Variants in BAZ2B observed in about 807,000 individuals in gnomAD.
BAZ2B encodes the protein bromodomain adjacent to zinc finger domain 2B, also known as bromodomain adjacent to zinc finger domain protein 2B.
Under a neutral mutation model 246.0 loss-of-function variants are expected in BAZ2B, and 91 were observed. The observed-to-expected ratio is 0.37, with a 90% CI of 0.31 to 0.44. BAZ2B has a LOEUF of 0.44. Among genes scored for constraint, BAZ2B ranks in the 20% least tolerant of loss-of-function variants. The probability of loss-of-function intolerance (pLI) is 1.00; values close to 1 mark genes in which losing one functional copy is unlikely to be tolerated. For missense variants in BAZ2B, 2,332 were observed against 2,533.7 expected, an observed-to-expected ratio of 0.92 and a Z score of 1.71; for synonymous variants, 855 against 860.0, an observed-to-expected ratio of 0.99 and a Z score of 0.10.
chr2:159,404,967 T>G, intron 15 of BAZ2B, 55 bp downstream of exon 15: 2 of 1,611,324 alleles, frequency 1.2e-6, no homozygotes, highest in South Asian at 2.2e-5. Context: ...AAGAAAACTC[T>G]TATGAATTCC....
chr2:159,706,592 A>G, the BAZ2B span, among the ~76,000 whole-genome samples: 1 of 152,248 alleles, frequency 6.6e-6, no homozygotes, highest in African/African-American at 2.4e-5. Flanking sequence ...ACTCTATTAC[A>G]GGAACAATGA....
rs771965223 is a variant in BAZ2B, at chr2:159,432,753, T to G, written c.1900+4A>C. The G allele has an allele frequency of 1.2e-6, 2 of 1,606,094 alleles. No homozygotes were observed. Among genetic ancestry groups the G allele is most frequent in the Non-Finnish European group, 1.7e-6 (2 of 1,174,474 alleles). ...AATACTTTAAATTTTAAAATGAAAA[T>G]AACCTGATTGGCTGTCATCAGATTC... On this transcript the variant is annotated splice_donor_region_variant and intron_variant, in intron 9 of 36. Coordinates refer to ENST00000392783, the MANE Select transcript of BAZ2B (RefSeq NM_013450.4).
At chr2:159,501,812 C>T (rs2081877180) in intron 2 of BAZ2B, among the ~76,000 whole-genome samples, 1 of 152,118 alleles carries the variant, frequency 6.6e-6, no homozygotes, top group African/African-American at 2.4e-5. Flanking sequence ...AGGTAGAATT[C>T]TACTCCTATT....
intron 1 of BAZ2B, among the ~76,000 whole-genome samples, chr2:159,600,345 A>C (rs1691848698): frequency 6.6e-6 from 1 of 152,218 alleles, no homozygotes; most frequent in Non-Finnish European, 1.5e-5. Context: ...ATTCAGAAAC[A>C]AATATAATTC....
chr2:159,347,538 T>C lies in BAZ2B; in HGVS notation c.5402A>G (p.Gln1801Arg), dbSNP rs1286219199. ...QAMEMDLSVL[Q>R]QVEDLERRVA... is the part of the protein sequence containing the mutation. Reference sequence around the variant, plus strand: ...TCTCCTTTCTAGATCTTCTACCTGTTGAAGGACACTCAAATCCATTTCCAT... The same window carrying C: ...TCTCCTTTCTAGATCTTCTACCTGTCGAAGGACACTCAAATCCATTTCCAT... The change falls in exon 31 of 37, where the codon CAA (glutamine) becomes CGA (arginine). Residue 1801 changes from glutamine to arginine, a missense_variant. Physicochemically the swap from Gln to Arg is conservative, Grantham distance 43. Coordinates refer to ENST00000392783, the MANE Select transcript of BAZ2B (RefSeq NM_013450.4). The C allele has an allele frequency of 1.9e-6, 3 of 1,613,792 alleles. No homozygotes were observed. The highest frequency in any genetic ancestry group is 2.5e-6 in the Non-Finnish European group (3 of 1,179,872).
Position 159,448,306 on chromosome 2 carries a change from A to G in BAZ2B, c.438T>C (p.Asn146=). The G allele has an allele frequency of 6.2e-7, 1 of 1,613,384 alleles. No individual in the cohort carries two copies. The highest frequency in any genetic ancestry group is 8.5e-7 in the Non-Finnish European group (1 of 1,179,818). ...TTGAATGGAATGAAGAAGAATCATG[A>G]TTCTGGGCTGGGGGAGCAAATAGTG... ...IPPLFAPPAQ[N]HDSSSFHSRT... Residue 146 remains asparagine, a synonymous_variant, in exon 5 of 37, where the codon AAT becomes AAC. Transcript: ENST00000392783.
chr2:159,486,053 A>T (rs990826675), intron 2 of BAZ2B, among the ~76,000 whole-genome samples: 18 of 152,060 alleles, frequency 1.2e-4, no homozygotes, highest in African/African-American at 3.9e-4. Context: ...CTTATGAAAA[A>T]GATATAAAAG....
rs542515924 is a variant in BAZ2B, at chr2:159,510,918, T to A, written c.-2-32197A>T. ...CTCCTTTTGACATCTCTGGTTTTTTTAATTACTGTAACACATTTAATATTT... is the reference window on the plus strand; with the variant it reads ...CTCCTTTTGACATCTCTGGTTTTTTAAATTACTGTAACACATTTAATATTT... On this transcript the variant is annotated intron_variant, in intron 2 of 36. Transcript: ENST00000392783. Among the ~76,000 whole-genome samples the A allele has an allele frequency of 8.1e-4, 124 of 152,324 alleles. 1 individual carries two copies. Among genetic ancestry groups the A allele is most frequent in the Non-Finnish European group, 1.3e-3 (90 of 68,022 alleles).
At chr2:159,675,590 C>A in the BAZ2B span, among the ~76,000 whole-genome samples, 2 of 152,238 alleles carry the variant, frequency 1.3e-5, no homozygotes, top group South Asian at 4.1e-4. Flanking sequence ...AATTAAGGTA[C>A]AATTTTATCT....
At chr2:159,415,788 T>G (rs4665068) in intron 13 of BAZ2B, among the ~76,000 whole-genome samples, 11,303 of 152,266 alleles carry the variant, frequency 0.074, 553 homozygotes, top group Non-Finnish European at 0.11. Flanking sequence ...TCTATGAATA[T>G]CGCAGTTAAT....
At chr2:159,406,291 T>C (rs1172878404) in intron 14 of BAZ2B, among the ~76,000 whole-genome samples, 1 of 152,212 alleles carries the variant, frequency 6.6e-6, no homozygotes, top group Non-Finnish European at 1.5e-5. Context: ...ATTTGGGGGC[T>C]AGGCTATTGG....
intron 3 of BAZ2B, among the ~76,000 whole-genome samples, chr2:159,454,495 T>C (rs768251125): frequency 4.6e-5 from 7 of 152,200 alleles, no homozygotes; most frequent in Admixed American, 2.0e-4. Context: ...CTGAACTGAA[T>C]ACTTCAGGCA....
intron 27 of BAZ2B, among the ~76,000 whole-genome samples, chr2:159,369,650 T>C (rs1332037228): frequency 6.6e-6 from 1 of 152,216 alleles, no homozygotes; most frequent in Non-Finnish European, 1.5e-5. Context: ...AATGTGGCTC[T>C]TAAACATATT....
At chr2:159,686,276 G>A in the BAZ2B span, among the ~76,000 whole-genome samples, 6 of 152,082 alleles carry the variant, frequency 3.9e-5, no homozygotes, top group Admixed American at 3.3e-4. Flanking sequence ...GAGAGAGAGA[G>A]AAAATGGCAG....
At chr2:159,358,144 C>A (rs1439046475) in intron 27 of BAZ2B, among the ~76,000 whole-genome samples, 1 of 152,132 alleles carries the variant, frequency 6.6e-6, no homozygotes, top group African/African-American at 2.4e-5. Flanking sequence ...AGGCTAAATG[C>A]CCCAATTAAA....
At chr2:159,630,636 C>T in the BAZ2B span, among the ~76,000 whole-genome samples, 1 of 151,868 alleles carries the variant, frequency 6.6e-6, no homozygotes, top group African/African-American at 2.4e-5. Context: ...CGGGTTCACG[C>T]CATTCTCCTG....
intron 2 of BAZ2B, among the ~76,000 whole-genome samples, chr2:159,507,252 A>G (rs2082426533): frequency 6.6e-6 from 1 of 152,200 alleles, no homozygotes; most frequent in African/African-American, 2.4e-5. Context: ...CTGATACATT[A>G]AAGAGAAGTA....
At chr2:159,519,763 C>T (rs970607433) in intron 2 of BAZ2B, among the ~76,000 whole-genome samples, 1 of 58,020 alleles carries the variant, frequency 1.7e-5, no homozygotes, top group Non-Finnish European at 4.3e-5. Context: ...AGCTCCGCCT[C>T]CCGGGTTCAC....
At chr2:159,573,879 C>G (rs191693427) in intron 1 of BAZ2B, among the ~76,000 whole-genome samples, 1 of 152,092 alleles carries the variant, frequency 6.6e-6, no homozygotes, top group Non-Finnish European at 1.5e-5. Context: ...GTAGGTAGAT[C>G]GCTTGAGCCC....
Sources: gnomAD v4.1 joint callset for allele counts (sites outside exome capture counted in the v4.1 genomes callset) on GRCh38, gnomAD v4.1.1 for gene constraint, MANE v1.5 for transcripts, NCBI Gene and HGNC (gene_info 2026-07-23, HGNC 2026-07-21) for gene names.